TOGARAM2: variants seen among roughly 807,000 people sequenced by gnomAD.
TOGARAM2 encodes TOG array regulator of axonemal microtubules 2, also known as TOG array regulator of axonemal microtubules protein 2.
In TOGARAM2, 85 loss-of-function variants were observed where a neutral mutation model predicts 93.3. The ratio of observed to expected loss-of-function variants is 0.91; its 90% CI spans 0.76 to 1.09. TOGARAM2 has a LOEUF of 1.09. Ranked by LOEUF, TOGARAM2 falls within the 50% of genes least tolerant of loss-of-function variation. The probability of loss-of-function intolerance (pLI) is 0.00; values close to 1 mark genes in which losing one functional copy is unlikely to be tolerated. For synonymous variants in TOGARAM2, 593 were observed against 552.8 expected, an observed-to-expected ratio of 1.07 and a Z score of -1.02; for missense variants, 1,277 against 1,334.5, an observed-to-expected ratio of 0.96 and a Z score of 0.67.
upstream of TOGARAM2, among the ~76,000 whole-genome samples, chr2:28,977,711 G>A (rs1315354918): frequency 6.6e-6 from 1 of 152,170 alleles, no homozygotes; most frequent in Non-Finnish European, 1.5e-5. Context: ...TCACAGTCTA[G>A]GTCTGTGTGG....
At chr2:29,007,600 C>T (rs917314208) in intron 6 of TOGARAM2, among the ~76,000 whole-genome samples, 1 of 152,070 alleles carries the variant, frequency 6.6e-6, no homozygotes, top group Non-Finnish European at 1.5e-5. Flanking sequence ...GCGCTCCATC[C>T]CCATCTTTCA....
At chr2:28,992,606 C>CGCCT (rs1672789441) in intron 1 of TOGARAM2, among the ~76,000 whole-genome samples, 1 of 152,100 alleles carries the variant, frequency 6.6e-6, no homozygotes, top group African/African-American at 2.4e-5. Flanking sequence ...TCAGGCGGCT[C>CGCCT]GAGTCTTCTT....
intron 8 of TOGARAM2, among the ~76,000 whole-genome samples, chr2:29,016,907 T>C (rs1664611703): frequency 6.6e-6 from 1 of 152,232 alleles, no homozygotes; most frequent in South Asian, 2.1e-4. Flanking sequence ...CCTAGGGACC[T>C]TCTAGGCTAA....
chr2:28,957,138 C>A (rs1278782265), intron 1 of TOGARAM2, among the ~76,000 whole-genome samples: 1 of 152,054 alleles, frequency 6.6e-6, no homozygotes, highest in Non-Finnish European at 1.5e-5. Context: ...AAAACAAATC[C>A]TATGGGAATT....
At position 29,024,516 on chromosome 2, in the gene TOGARAM2, T is replaced by C. The variant is rs17007456; in HGVS notation, c.1853+142T>C. 0.017 allele frequency: 12,887 copies of C among 776,060 alleles called. 965 individuals carry two copies. The African/African-American group carries it at 0.18, about 11-fold the overall frequency. The allele number at this position is 776,060 out of a possible 1,614,324, so 48.1% of individuals were successfully genotyped here. A position where few individuals can be genotyped will look rare whatever the true frequency, so the allele number is the denominator to read the frequency against. ...GCAAGTGAGGCTGCAGGGGGTCCCT[T>C]GAGATGCTAGAGGACAGGGTGATGG... On this transcript the variant is annotated intron_variant, in intron 13 of 19. Coordinates refer to ENST00000379558, the MANE Select transcript of TOGARAM2 (RefSeq NM_199280.4).
At chr2:29,007,553 C>T (rs1663957403) in intron 6 of TOGARAM2, among the ~76,000 whole-genome samples, 1 of 152,160 alleles carries the variant, frequency 6.6e-6, no homozygotes, top group Non-Finnish European at 1.5e-5. Flanking sequence ...TCTTGACCTC[C>T]CCTAATAGTG....
chr2:29,017,691 A>C, intron 9 of TOGARAM2, 101 bp from the exon 10 acceptor site: 1 of 1,212,680 alleles, frequency 8.2e-7, no homozygotes, highest in Admixed American at 2.9e-5. Context: ...GGGTACTGGC[A>C]TGAGCTACTT....
intron 14 of TOGARAM2, chr2:29,032,676 A>G (rs1665839209): frequency 4.9e-6 from 2 of 409,898 alleles, no homozygotes; most frequent in Non-Finnish European, 8.7e-6. Flanking sequence ...ACATTCTGAT[A>G]TCAACTAGAA....
Position 29,051,747 on chromosome 2 carries a change from G to A in TOGARAM2, c.2723-9G>A. 1.4e-6 allele frequency: 2 copies of A among 1,478,476 alleles called. No homozygotes were observed. Among genetic ancestry groups the A allele is most frequent in the Non-Finnish European group, 1.8e-6 (2 of 1,105,800 alleles). The allele number at this position is 1,478,476 out of a possible 1,614,324, so 91.6% of individuals were successfully genotyped here. On this transcript the variant is annotated splice_polypyrimidine_tract_variant and intron_variant, in intron 19 of 19. Coordinates refer to ENST00000379558, the MANE Select transcript of TOGARAM2 (RefSeq NM_199280.4). ...CTGGCTCAAGTGACTCTCCTTTTCTGCCTGACAGTGCTGGTGGCCTCAGTT... is the reference window on the plus strand; with the variant it reads ...CTGGCTCAAGTGACTCTCCTTTTCTACCTGACAGTGCTGGTGGCCTCAGTT...
intron 18 of TOGARAM2, among the ~76,000 whole-genome samples, chr2:29,038,734 C>T (rs1053170506): frequency 5.3e-5 from 8 of 152,142 alleles, no homozygotes; most frequent in South Asian, 2.1e-4. Flanking sequence ...TGTGAGCCAC[C>T]GTGTCAGGCC....
intron 1 of TOGARAM2, among the ~76,000 whole-genome samples, chr2:28,960,560 C>T (rs1297864081): frequency 6.6e-6 from 1 of 152,072 alleles, no homozygotes; most frequent in Non-Finnish European, 1.5e-5. Context: ...ACCCTCTTGC[C>T]CCCTTAGTTT....
intron 1 of TOGARAM2, among the ~76,000 whole-genome samples, chr2:28,976,269 G>A (rs902670728): frequency 4.6e-5 from 7 of 152,166 alleles, no homozygotes; most frequent in African/African-American, 1.7e-4. Context: ...TACTCAGGAG[G>A]CTGAGGCAGG....
At chr2:29,028,301 T>C (rs1054037187) in intron 14 of TOGARAM2, among the ~76,000 whole-genome samples, 74 of 152,240 alleles carry the variant, frequency 4.9e-4, no homozygotes, top group African/African-American at 1.7e-3. Context: ...CGTCTGAGGG[T>C]GCTCCCTGAG....
intron 13 of TOGARAM2, 88 bp downstream of exon 13, chr2:29,024,462 A>G (rs1455404874): frequency 2.1e-5 from 9 of 431,276 alleles, no homozygotes; most frequent in East Asian, 1.4e-4. Context: ...GAAGGAGGGA[A>G]GGGTGCAGGG....
intron 18 of TOGARAM2, among the ~76,000 whole-genome samples, chr2:29,044,872 C>T (rs1242957914): frequency 6.6e-6 from 1 of 152,080 alleles, no homozygotes; most frequent in African/African-American, 2.4e-5. Flanking sequence ...AATCATGGCT[C>T]AGTGATTCTG....
At chr2:29,033,122 T>C in intron 15 of TOGARAM2, 71 bp downstream of exon 15, 1 of 1,285,236 alleles carries the variant, frequency 7.8e-7, no homozygotes, top group Non-Finnish European at 1.1e-6. Flanking sequence ...CTGGTAGCCT[T>C]CATGTGGGTC....
rs770481262 is a variant in TOGARAM2 at position 29,002,640 on chromosome 2, A to T, written c.532A>T (p.Ile178Phe). The T allele has an allele frequency of 1.7e-5, 28 of 1,613,690 alleles. No homozygotes were observed. The highest frequency in any genetic ancestry group is 2.2e-5 in the Non-Finnish European group (26 of 1,179,774). The change falls in exon 5 of 20, where the codon ATC (isoleucine) becomes TTC (phenylalanine). Residue 178 changes from isoleucine to phenylalanine, a missense_variant. Coordinates refer to ENST00000379558, the MANE Select transcript of TOGARAM2 (RefSeq NM_199280.4). ...GAGGGTGCCCAGGCCGATGCCTCTCATCCAGAGCATCCCTACCACCCCTGA... is the reference window on the plus strand; with the variant it reads ...GAGGGTGCCCAGGCCGATGCCTCTCTTCCAGAGCATCCCTACCACCCCTGA... ...LLRVPRPMPL[I>F]QSIPTTPEAS...
Position 28,961,350 on chromosome 2 carries a change from T to C in TOGARAM2, c.-147+4653T>C, listed in dbSNP as rs575192486. ...ATAATTTATTATTTAATTTTTAATT[T>C]TTTTGGAGGCAGAATCTTTCTCACT... On this transcript the variant is annotated intron_variant, in intron 1 of 6. Coordinates refer to the TOGARAM2 transcript ENST00000401723. Among the ~76,000 whole-genome samples the C allele has an allele frequency of 2.0e-5, 3 of 152,258 alleles. No homozygotes were observed. In the East Asian group the frequency reaches 5.8e-4, roughly 29 times the overall value.
chr2:29,006,156 TACATGTGTGA>T (rs1462384318), intron 6 of TOGARAM2, among the ~76,000 whole-genome samples: 2 of 141,710 alleles, frequency 1.4e-5, no homozygotes, highest in Non-Finnish European at 3.0e-5. Flanking sequence ...TGTGCGTAAG[TACATGTGTGA>T]GCATGTGTGA....
Sources: allele counts gnomAD v4.1 joint callset (sites outside exome capture counted in the v4.1 genomes callset), GRCh38; gene constraint gnomAD v4.1.1; transcripts MANE v1.5; gene names NCBI Gene and HGNC (gene_info 2026-07-23, HGNC 2026-07-21).